CMSS1: variants seen among roughly 807,000 people sequenced by gnomAD.
The protein encoded by CMSS1 is cms1 ribosomal small subunit homolog.
A neutral mutation model predicts 43.5 loss-of-function variants in CMSS1; 33 were observed. The observed-to-expected ratio is 0.76, with a 90% CI of 0.57 to 1.01. The LOEUF (loss-of-function observed/expected upper bound fraction) is 1.01, where lower values mean the gene tolerates loss of function less well. Among genes scored for constraint, CMSS1 ranks in the 50% least tolerant of loss-of-function variants. CMSS1 has a pLI of 0.00. For missense variants in CMSS1, 313 were observed against 326.4 expected (o/e 0.96, Z 0.32); for synonymous variants, 115 against 117.2 (o/e 0.98, Z 0.12).
chr3:100,143,085 T>C (rs1363304025), intron 1 of CMSS1, among the ~76,000 whole-genome samples: 1 of 152,142 alleles, frequency 6.6e-6, no homozygotes, highest in Non-Finnish European at 1.5e-5. Context: ...GGATCCCAGA[T>C]GAAGATGGGT....
At chr3:100,014,874 C>CTTTTTTTTTTT (rs200759774) in intron 1 of CMSS1, among the ~76,000 whole-genome samples, 48 of 28,198 alleles carry the variant, frequency 1.7e-3, no homozygotes, top group African/African-American at 2.1e-3. Flanking sequence ...TTTTTCTTTT[C>CTTTTTTTTTTT]TTTTTTTTTT....
chr3:100,080,634 G>A (rs994928585), intron 1 of CMSS1, among the ~76,000 whole-genome samples: 3 of 152,176 alleles, frequency 2.0e-5, no homozygotes, highest in East Asian at 1.9e-4. Flanking sequence ...GCCTTGTTCT[G>A]TTCTCCCGAT....
chr3:100,109,169 C>G (rs1165314606), intron 1 of CMSS1, among the ~76,000 whole-genome samples: 2 of 150,940 alleles, frequency 1.3e-5, no homozygotes, highest in Non-Finnish European at 2.9e-5. Flanking sequence ...TGGTTGGACT[C>G]TATTAATCAT....
At chr3:99,886,432 A>C (rs1286614599) in intron 1 of CMSS1, among the ~76,000 whole-genome samples, 1 of 152,148 alleles carries the variant, frequency 6.6e-6, no homozygotes, top group Non-Finnish European at 1.5e-5. Context: ...AAATCGGAAA[A>C]AAAAAATCTC....
At chr3:100,091,195 G>T (rs181441687) in intron 1 of CMSS1, among the ~76,000 whole-genome samples, 194 of 150,814 alleles carry the variant, frequency 1.3e-3, no homozygotes, top group Middle Eastern at 3.4e-3. Context: ...TGAGGCAGGA[G>T]AATGGCGTGA....
intron 2 of CMSS1, among the ~76,000 whole-genome samples, chr3:100,156,306 T>C (rs960940698): frequency 1.5e-5 from 2 of 132,182 alleles, no homozygotes; most frequent in African/African-American, 2.9e-5. Context: ...TTTCTTTTTT[T>C]TTTTTTTTTT....
At chr3:100,175,562 A>T (rs957297339) in intron 8 of CMSS1, among the ~76,000 whole-genome samples, 2 of 152,246 alleles carry the variant, frequency 1.3e-5, no homozygotes, top group Non-Finnish European at 2.9e-5. Flanking sequence ...TATAAAAAGC[A>T]TGAACAAGTA....
At chr3:100,169,056 C>T (rs1413038753) in intron 6 of CMSS1, among the ~76,000 whole-genome samples, 2 of 151,870 alleles carry the variant, frequency 1.3e-5, no homozygotes, top group African/African-American at 4.8e-5. Context: ...GTAGCATATG[C>T]CTAAGGTGAC....
chr3:99,895,557 T>A (rs1706224195), intron 1 of CMSS1, among the ~76,000 whole-genome samples: 2 of 152,156 alleles, frequency 1.3e-5, no homozygotes, highest in South Asian at 4.1e-4. Flanking sequence ...GGGAACTTAG[T>A]TCACAATAGC....
intron 1 of CMSS1, among the ~76,000 whole-genome samples, chr3:99,933,440 C>G (rs1335154289): frequency 1.3e-5 from 2 of 152,058 alleles, no homozygotes; most frequent in Non-Finnish European, 2.9e-5. Flanking sequence ...TTGGGAAAAA[C>G]CTCATTGTGT....
At position 100,093,665 on chromosome 3, in the gene CMSS1, C is replaced by A. The variant is rs375204318; in HGVS notation, c.65-53308C>A. Reference sequence around the variant, plus strand: ...AAAACATTTCTGTCACCACAAGGATCCCTCATGTTCACCTTTTATAGCCAC... The same window carrying A: ...AAAACATTTCTGTCACCACAAGGATACCTCATGTTCACCTTTTATAGCCAC... On this transcript the variant is annotated intron_variant, in intron 1 of 9. Transcript: ENST00000421999. 2.2e-4 allele frequency among the ~76,000 whole-genome samples: 33 copies of A among 152,220 alleles called. 1 individual carries two copies. In the East Asian group the frequency reaches 2.9e-3, roughly 13 times the overall value.
intron 1 of CMSS1, among the ~76,000 whole-genome samples, chr3:100,019,121 G>T (rs1488622637): frequency 6.6e-6 from 1 of 152,114 alleles, no homozygotes; most frequent in Admixed American, 6.6e-5. Flanking sequence ...CAGTATGGAG[G>T]TTCCTCAGAA....
chr3:100,019,412 G>A (rs983607508), intron 1 of CMSS1, among the ~76,000 whole-genome samples: 12 of 152,080 alleles, frequency 7.9e-5, no homozygotes, highest in South Asian at 4.1e-4. Context: ...TACCCTTACC[G>A]AAAGGAATAG....
At chr3:99,878,297 A>C (rs924644886) in intron 1 of CMSS1, among the ~76,000 whole-genome samples, 4 of 152,256 alleles carry the variant, frequency 2.6e-5, no homozygotes, top group African/African-American at 4.8e-5. Flanking sequence ...GTGCTCTACA[A>C]GCATTTCATC....
intron 1 of CMSS1, among the ~76,000 whole-genome samples, chr3:100,003,023 C>T (rs1340697787): frequency 6.6e-6 from 1 of 152,138 alleles, no homozygotes; most frequent in Non-Finnish European, 1.5e-5. Context: ...GATTGTGCAG[C>T]ATTTACCTGC....
At chr3:100,120,580 A>T (rs1028099887) in intron 1 of CMSS1, among the ~76,000 whole-genome samples, 2 of 152,070 alleles carry the variant, frequency 1.3e-5, no homozygotes, top group Admixed American at 1.3e-4. Context: ...TAAGCGTGGC[A>T]CCTAGCACTG....
intron 1 of CMSS1, among the ~76,000 whole-genome samples, chr3:100,071,144 A>G (rs950403158): frequency 9.3e-5 from 6 of 64,448 alleles, no homozygotes; most frequent in African/African-American, 4.3e-4. Flanking sequence ...TTTCTTTTTA[A>G]GTTCTTATAA....
intron 1 of CMSS1, among the ~76,000 whole-genome samples, chr3:100,078,617 G>A (rs150866498): frequency 0.012 from 1,787 of 152,264 alleles, 23 homozygotes; most frequent in African/African-American, 0.026. Flanking sequence ...GGCCTGGCAT[G>A]GTGGCTCGCT....
At chr3:100,172,442 GGAGTTTGCCTTACCTACATGT>G in intron 8 of CMSS1, 39 bp downstream of exon 8, 1 of 1,507,886 alleles carries the variant, frequency 6.6e-7, no homozygotes. Flanking sequence ...CCCAGGGCTG[GGAGTTTGCCTTACCTACATGT>G]GAGTCTCAGA....
Sources: allele counts gnomAD v4.1 joint callset (sites outside exome capture counted in the v4.1 genomes callset), GRCh38; gene constraint gnomAD v4.1.1; transcripts MANE v1.5; gene names NCBI Gene and HGNC (gene_info 2026-07-23, HGNC 2026-07-21).